MCCC1: variants seen among roughly 807,000 people sequenced by gnomAD.
The protein encoded by MCCC1 is methylcrotonyl-CoA carboxylase subunit 1.
In MCCC1, 64 loss-of-function variants were observed where a neutral mutation model predicts 83.8. The observed-to-expected ratio is 0.76, with a 90% CI of 0.62 to 0.94. The LOEUF (loss-of-function observed/expected upper bound fraction) is 0.94, where lower values mean the gene tolerates loss of function less well. Ranked by LOEUF, MCCC1 falls within the 40% of genes least tolerant of loss-of-function variation. MCCC1 has a pLI of 0.00. For missense variants in MCCC1, 807 were observed against 904.7 expected, an observed-to-expected ratio of 0.89 and a Z score of 1.39; for synonymous variants, 322 against 315.4, an observed-to-expected ratio of 1.02 and a Z score of -0.22.
intron 4 of MCCC1, among the ~76,000 whole-genome samples, chr3:183,081,600 T>C (rs1202101975): frequency 6.6e-6 from 1 of 152,168 alleles, no homozygotes; most frequent in East Asian, 1.9e-4. Context: ...GTAAGGTACA[T>C]AGATGTGCTT....
At chr3:183,110,762 A>G (rs1036828997) in intron 1 of MCCC1, among the ~76,000 whole-genome samples, 4 of 152,180 alleles carry the variant, frequency 2.6e-5, no homozygotes, top group Admixed American at 2.6e-4. Flanking sequence ...TAGGACTTCT[A>G]TAGTTTTAGA....
intron 9 of MCCC1, 32 bp downstream of exon 9, chr3:183,052,127 G>A (rs765475993): frequency 1.7e-5 from 27 of 1,591,266 alleles, no homozygotes; most frequent in African/African-American, 5.4e-5. Context: ...ACACTGTTAC[G>A]TCTCTTCCAT....
Position 183,025,783 on chromosome 3 carries a change from T to C in MCCC1, c.1703A>G (p.Tyr568Cys), listed in dbSNP as rs1577245387. The C allele has an allele frequency of 3.1e-6, 5 of 1,613,800 alleles. No homozygotes were observed. Among genetic ancestry groups the C allele is most frequent in the African/African-American group, 1.3e-5 (1 of 74,920 alleles). Residue 568 changes from tyrosine to cysteine, a missense_variant, in exon 15 of 19, where the codon TAT becomes TGT. Physicochemically the swap from Tyr to Cys is radical, Grantham distance 194 (BLOSUM62 -2). Transcript: ENST00000265594. ...CATGCTATAAGACCCATCATGGTTA[T>C]ACGTTACAGCTATGGCTACATCTTT... ...GKNNVAIAVT[Y>C]NHDGSYSMQI...
At chr3:183,096,499 T>G (rs1413769388) in intron 1 of MCCC1, among the ~76,000 whole-genome samples, 1 of 152,216 alleles carries the variant, frequency 6.6e-6, no homozygotes, top group Non-Finnish European at 1.5e-5. Context: ...GCACAGCGTG[T>G]GCATTAGAAA....
intron 7 of MCCC1, among the ~76,000 whole-genome samples, chr3:183,060,062 A>G (rs1715708522): frequency 6.6e-6 from 1 of 152,188 alleles, no homozygotes; most frequent in African/African-American, 2.4e-5. Context: ...TACTTCAAAT[A>G]TCTCTCCTGC....
Position 183,071,294 on chromosome 3 carries a change from G to T in MCCC1, c.555C>A (p.Asp185Glu). The change falls in exon 6 of 19, where the codon GAC becomes GAA. Residue 185 changes from aspartate to glutamate, a missense_variant. Coordinates refer to ENST00000265594, the MANE Select transcript of MCCC1 (RefSeq NM_020166.5). Reference sequence around the variant, plus strand: ...GTTCCTTCAGGCACTGGTCTGATTGGTCCTCACCATGATAACCCTCCACAA... The same window carrying T: ...GTTCCTTCAGGCACTGGTCTGATTGTTCCTCACCATGATAACCCTCCACAA... ...VPVVEGYHGE[D>E]QSDQCLKEHA... The T allele has an allele frequency of 6.2e-7, 1 of 1,614,170 alleles. No individual in the cohort carries two copies. Among genetic ancestry groups the T allele is most frequent in the East Asian group, 2.2e-5 (1 of 44,882 alleles).
intron 18 of MCCC1, among the ~76,000 whole-genome samples, 172 bp from the exon 19 acceptor site, chr3:183,015,738 C>T (rs984182815): frequency 1.3e-5 from 2 of 152,016 alleles, no homozygotes; most frequent in Non-Finnish European, 2.9e-5. Flanking sequence ...TTTTTAACAT[C>T]ACAGCACACA....
exon 1 of MCCC1, chr3:183,115,656 A>T (rs1218446837): frequency 6.6e-6 from 1 of 152,240 alleles, no homozygotes; most frequent in African/African-American, 2.4e-5. Context: ...GTTGGAGACC[A>T]GCCTGGCCAA....
chr3:183,040,777 A>G (rs932616210), intron 11 of MCCC1, among the ~76,000 whole-genome samples: 2 of 152,082 alleles, frequency 1.3e-5, no homozygotes, highest in African/African-American at 4.8e-5. Flanking sequence ...TAATTATATC[A>G]GTCTAGTGTG....
At chr3:183,036,642 C>T (rs369699400) in intron 13 of MCCC1, among the ~76,000 whole-genome samples, 1 of 150,332 alleles carries the variant, frequency 6.7e-6, no homozygotes, top group Non-Finnish European at 1.5e-5. Context: ...CGGGTTCAAG[C>T]GATTCTCTTG....
At chr3:183,048,413 CTT>C (rs1195412230) in intron 9 of MCCC1, among the ~76,000 whole-genome samples, 3 of 152,046 alleles carry the variant, frequency 2.0e-5, no homozygotes, top group African/African-American at 7.2e-5. Flanking sequence ...GACTTATAGA[CTT>C]AAAGTAAAAA....
chr3:183,056,582 C>T (rs1715438102), intron 8 of MCCC1, among the ~76,000 whole-genome samples: 1 of 152,186 alleles, frequency 6.6e-6, no homozygotes, highest in Non-Finnish European at 1.5e-5. Flanking sequence ...GAAAATCTCT[C>T]ACATATTTTG....
At chr3:183,082,137 ACAT>A (rs1717560340) in intron 4 of MCCC1, among the ~76,000 whole-genome samples, 1 of 152,230 alleles carries the variant, frequency 6.6e-6, no homozygotes, top group Admixed American at 6.5e-5. Flanking sequence ...CTCTCCTCAG[ACAT>A]CAGCATGGGC....
intron 17 of MCCC1, chr3:183,017,952 A>G (rs1255695257): frequency 6.6e-6 from 1 of 151,518 alleles, no homozygotes; most frequent in African/African-American, 2.4e-5. Flanking sequence ...GGTCAAATGC[A>G]CTGGTCAAAT....
At chr3:183,015,834 C>T (rs1711568726) in intron 18 of MCCC1, among the ~76,000 whole-genome samples, 1 of 151,830 alleles carries the variant, frequency 6.6e-6, no homozygotes, top group Admixed American at 6.6e-5. Flanking sequence ...TCTGGTGTAG[C>T]TCGCAGTTCT....
Position 183,064,885 on chromosome 3 carries a change from T to C in MCCC1, c.761+6114A>G, listed in dbSNP as rs999557115. Among the ~76,000 whole-genome samples, 7 of 152,174 alleles carry C rather than the reference T, an allele frequency of 4.6e-5. No individual in the cohort carries two copies. Among genetic ancestry groups the C allele is most frequent in the African/African-American group, 1.4e-4 (6 of 41,542 alleles). ...CGGTTGCAATGGGCGGGTCTTTCTC[T>C]GGTCTCTCTGAGCACCTTGCTTTCC... On this transcript the variant is annotated intron_variant, in intron 7 of 18. Coordinates refer to ENST00000265594, the MANE Select transcript of MCCC1 (RefSeq NM_020166.5). The surrounding 1 kb of genome is among the most constrained non-coding windows in gnomAD (Gnocchi z 4.5).
chr3:183,068,854 G>A (rs1405663901), intron 7 of MCCC1, among the ~76,000 whole-genome samples: 3 of 152,192 alleles, frequency 2.0e-5, no homozygotes, highest in Admixed American at 6.5e-5. Flanking sequence ...CGTTTGTACA[G>A]GTTTGTAGCT....
chr3:183,022,334 T>C, intron 16 of MCCC1, 83 bp downstream of exon 16: 2 of 1,522,376 alleles, frequency 1.3e-6, no homozygotes, highest in Non-Finnish European at 1.8e-6. Flanking sequence ...GCTGGATCTT[T>C]CTAATCTCTT....
intron 1 of MCCC1, among the ~76,000 whole-genome samples, chr3:183,112,128 G>A: frequency 6.6e-6 from 1 of 152,044 alleles, no homozygotes; most frequent in East Asian, 1.9e-4. Context: ...TACCTAAAAA[G>A]GGCCCAGGCA....
Sources: allele counts gnomAD v4.1 joint callset (sites outside exome capture counted in the v4.1 genomes callset), GRCh38; gene constraint gnomAD v4.1.1; non-coding constraint Gnocchi (gnomAD v3.1); transcripts MANE v1.5; gene names NCBI Gene and HGNC (gene_info 2026-07-23, HGNC 2026-07-21).